Variants in ZSWIM7 observed in about 807,000 individuals in gnomAD.
ZSWIM7 encodes the protein zinc finger SWIM domain-containing protein 7.
ZSWIM7 carries 22 observed loss-of-function variants against 21.1 expected under a neutral mutation model. The observed-to-expected ratio is 1.04, with a 90% confidence interval of 0.74 to 1.49. The LOEUF (loss-of-function observed/expected upper bound fraction) is 1.49. Among genes scored for constraint, ZSWIM7 ranks in the 40% most tolerant of loss-of-function variants. The pLI is 0.00. For synonymous variants in ZSWIM7, 67 were observed against 66.5 expected, an observed-to-expected ratio of 1.01 and a Z score of -0.04; for missense variants, 193 against 168.0, an observed-to-expected ratio of 1.15 and a Z score of -0.82.
At chr17:15,996,339 T>G (rs965854451) in intron 1 of ZSWIM7, among the ~76,000 whole-genome samples, 23 of 151,744 alleles carry the variant, frequency 1.5e-4, no homozygotes, top group African/African-American at 5.6e-4. Context: ...ACCCCACAAC[T>G]TTTTCAGACA....
chr17:15,981,263 A>C (rs1015068547), intron 3 of ZSWIM7, 119 bp from the exon 4 acceptor site: 1 of 645,536 alleles, frequency 1.5e-6, no homozygotes, highest in Non-Finnish European at 2.7e-6. Flanking sequence ...GAACTGCAGT[A>C]ATGTTTTACA....
At chr17:15,994,560 A>G (rs1362115931) in intron 1 of ZSWIM7, among the ~76,000 whole-genome samples, 1 of 152,224 alleles carries the variant, frequency 6.6e-6, no homozygotes, top group East Asian at 1.9e-4. Context: ...TTCCCTCCAC[A>G]GCTTTAGGTG....
rs138169657 is a variant in ZSWIM7 at position 15,988,099 on chromosome 17, TAACA to T, written c.99-735_99-732del. ...TAGAACATATGTATGCACACATACA[TAACA>T]AACACACGTGCATAGATGTATGCAT... On this transcript the variant is annotated intron_variant, in intron 2 of 4. Transcript: ENST00000399277. Among the ~76,000 whole-genome samples the T allele has an allele frequency of 9.2e-5, 14 of 152,318 alleles. No homozygotes were observed. The East Asian group carries it at 1.7e-3, about 19-fold the overall frequency.
chr17:15,995,788 T>A (rs1367707505), intron 1 of ZSWIM7, among the ~76,000 whole-genome samples: 1 of 151,432 alleles, frequency 6.6e-6, no homozygotes, highest in East Asian at 1.9e-4. Context: ...ATCAATCAAA[T>A]AATTCAAAAT....
intron 2 of ZSWIM7, among the ~76,000 whole-genome samples, 191 bp downstream of exon 2, chr17:15,993,566 C>T (rs1283641251): frequency 1.3e-5 from 2 of 151,672 alleles, no homozygotes; most frequent in African/African-American, 4.8e-5. Flanking sequence ...TGGGGTTTCA[C>T]CATGTTGGCC....
Position 15,993,890 on chromosome 17 carries a change from G to A in ZSWIM7, c.77-112C>T. ...ACACTTCCGTGTGTGATGGTCAACT[G>A]AACCTATGCATCTGGTTTTACTCCT... On this transcript the variant is annotated intron_variant, in intron 1 of 4. Transcript: ENST00000399277. The A allele has an allele frequency of 4.1e-6, 3 of 726,520 alleles. 1 individual carries two copies. In the South Asian group the frequency reaches 5.1e-5, roughly 12 times the overall value. 45.0% of individuals were successfully genotyped at this position (726,520 alleles called of 1,614,324 possible).
Position 15,976,635 on chromosome 17 carries a change from C to T in ZSWIM7, c.*1412G>A, listed in dbSNP as rs1371010231. 3 of 152,120 alleles carry T rather than the reference C, an allele frequency of 2.0e-5. No individual in the cohort carries two copies. Among genetic ancestry groups the T allele is most frequent in the Non-Finnish European group, 2.9e-5 (2 of 68,018 alleles). The allele number at this position is 152,120 out of a possible 1,614,324, so 9.4% of individuals were successfully genotyped here. ...AACAAAACAAAAAGCATCTGCCAAC[C>T]ACAGAACATTGCAACACCTAGGCCC... On this transcript the variant is annotated 3_prime_UTR_variant, in exon 5 of 5. Transcript: ENST00000399277.
At chr17:15,983,981 T>A (rs1024538332) in intron 3 of ZSWIM7, among the ~76,000 whole-genome samples, 1 of 152,138 alleles carries the variant, frequency 6.6e-6, no homozygotes, top group Non-Finnish European at 1.5e-5. Context: ...GATTTAAACT[T>A]AAGCAAGCAG....
intron 2 of ZSWIM7, among the ~76,000 whole-genome samples, chr17:15,988,116 T>C (rs1203729407): frequency 6.6e-6 from 1 of 152,156 alleles, no homozygotes; most frequent in Non-Finnish European, 1.5e-5. Context: ...CACACGTGCA[T>C]AGATGTATGC....
intron 3 of ZSWIM7, among the ~76,000 whole-genome samples, chr17:15,986,158 C>T (rs564485600): frequency 3.5e-4 from 53 of 152,280 alleles, no homozygotes; most frequent in African/African-American, 1.1e-3. Context: ...ATTCTTCTGC[C>T]TCAACCTCCC....
intron 3 of ZSWIM7, among the ~76,000 whole-genome samples, chr17:15,986,176 TG>T (rs1970407882): frequency 1.3e-5 from 2 of 152,166 alleles, no homozygotes; most frequent in Non-Finnish European, 2.9e-5. Context: ...CCCGAGTAGC[TG>T]GAATTACAGG....
chr17:15,987,361 A>G lies in ZSWIM7; in HGVS notation c.106T>C (p.Phe36Leu). The G allele has an allele frequency of 6.2e-7, 1 of 1,612,880 alleles. No homozygotes were observed. Among genetic ancestry groups the G allele is most frequent in the Non-Finnish European group, 8.5e-7 (1 of 1,179,500 alleles). Residue 36 changes from phenylalanine (F) to leucine (L), a missense_variant, in exon 3 of 5, where the codon TTT becomes CTT. Transcript: ENST00000399277. Reference sequence around the variant, plus strand: ...TGGGTGGCTGATGAGCCAAAGAGAAACTTCAGCCTGTGAAATAAAAACACT... The same window carrying G: ...TGGGTGGCTGATGAGCCAAAGAGAAGCTTCAGCCTGTGAAATAAAAACACT... ...IPDEYLLSLKFLFGSSATQAL... is the reference protein window; with the variant it reads ...IPDEYLLSLKLLFGSSATQAL...
chr17:15,979,820 C>A (rs181362370), intron 4 of ZSWIM7, among the ~76,000 whole-genome samples: 1 of 73,552 alleles, frequency 1.4e-5, no homozygotes, highest in Non-Finnish European at 2.9e-5. Flanking sequence ...CCCTCCCGGA[C>A]GGGGGGCTGA....
chr17:15,989,409 C>T (rs1347329881), intron 2 of ZSWIM7, among the ~76,000 whole-genome samples: 2 of 151,822 alleles, frequency 1.3e-5, no homozygotes, highest in Non-Finnish European at 1.5e-5. Flanking sequence ...CTTCTGCCTC[C>T]GGGGTTCAAG....
At chr17:15,995,575 T>TAAAAAA (rs550832963) in intron 1 of ZSWIM7, among the ~76,000 whole-genome samples, 1 of 100,246 alleles carries the variant, frequency 1.0e-5, no homozygotes, top group Admixed American at 1.1e-4. Context: ...CCCTGTCTCT[T>TAAAAAA]AAAAAAAAAA....
intron 4 of ZSWIM7, among the ~76,000 whole-genome samples, chr17:15,979,086 T>C (rs1159011096): frequency 2.0e-5 from 3 of 150,808 alleles, no homozygotes; most frequent in Non-Finnish European, 4.4e-5. Context: ...GGTCAGCAGA[T>C]AAACAAGTGA....
intron 3 of ZSWIM7, among the ~76,000 whole-genome samples, chr17:15,984,920 T>C (rs1970392209): frequency 6.6e-6 from 1 of 152,256 alleles, no homozygotes; most frequent in Non-Finnish European, 1.5e-5. Context: ...AACTTTGTTT[T>C]TGTAAGCCTT....
At position 15,992,480 on chromosome 17, in the gene ZSWIM7, C is replaced by G. The variant is rs150061642; in HGVS notation, c.98+1277G>C. ...TTGAGATAGAGTTTCGCTTTTATTGCCCAGGCTGGAGTGCAATGGCATGAT... is the reference window on the plus strand; with the variant it reads ...TTGAGATAGAGTTTCGCTTTTATTGGCCAGGCTGGAGTGCAATGGCATGAT... On this transcript the variant is annotated intron_variant, in intron 2 of 4. Transcript: ENST00000399277. Among the ~76,000 whole-genome samples the G allele has an allele frequency of 7.0e-3, 903 of 129,614 alleles. 17 individuals carry two copies. The highest frequency in any genetic ancestry group is 0.026 in the African/African-American group (838 of 31,970). 85.0% of individuals were successfully genotyped at this position (129,614 alleles called of 152,430 possible).
chr17:15,993,821 A>C, intron 1 of ZSWIM7, 43 bp from the exon 2 acceptor site: 1 of 1,428,830 alleles, frequency 7.0e-7, no homozygotes, highest in South Asian at 1.2e-5. Flanking sequence ...CATATTAAGC[A>C]GTGACCATTG....
Sources: allele counts gnomAD v4.1 joint callset (sites outside exome capture counted in the v4.1 genomes callset), GRCh38; gene constraint gnomAD v4.1.1; transcripts MANE v1.5; gene names NCBI Gene and HGNC (gene_info 2026-07-23, HGNC 2026-07-21).